Variants in RRP15 observed in about 807,000 individuals in gnomAD.
The protein encoded by RRP15 is ribosomal RNA processing 15 homolog.
Under a neutral mutation model 27.1 loss-of-function variants are expected in RRP15, and 18 were observed. The observed-to-expected ratio is 0.66, with a 90% CI of 0.46 to 0.98. RRP15 has a LOEUF of 0.98. Among genes scored for constraint, RRP15 ranks in the 50% least tolerant of loss-of-function variants. RRP15 has a pLI of 0.00. For synonymous variants in RRP15, 107 were observed against 109.4 expected (o/e 0.98, Z 0.14); for missense variants, 359 against 337.8 (o/e 1.06, Z -0.49).
rs1174169673 is a variant in RRP15 at position 218,336,436 on chromosome 1, G to T, written c.*5345G>T. ...AAGTGAAAACACCAAATTTGTAAGA[G>T]GTCAGGACCAACTGGGGCTCTAAAT... On this transcript the variant is annotated 3_prime_UTR_variant, in exon 5 of 5. Transcript: ENST00000366932. The T allele has an allele frequency of 6.6e-6, 1 of 152,634 alleles. No individual in the cohort carries two copies. Among genetic ancestry groups the T allele is most frequent in the Non-Finnish European group, 1.5e-5 (1 of 68,050 alleles). 9.5% of individuals were successfully genotyped at this position (152,634 alleles called of 1,614,324 possible). A position where few individuals can be genotyped will look rare whatever the true frequency, so the allele number is the denominator to read the frequency against.
In RRP15 at chr1:218,331,258, ATTATATTTTAAACCCTTG is replaced by A; in HGVS notation, c.*169_*186del. On this transcript the variant is annotated 3_prime_UTR_variant, in exon 5 of 5. Transcript: ENST00000366932. ...TACACTTTATATATACTTCATTAAA[ATTATATTTTAAACCCTTG>A]TATAATTTTAAGCATTGTTCCTCAG... 2.1e-6 allele frequency: 1 copy of A among 485,984 alleles called. No individual in the cohort carries two copies. Among genetic ancestry groups the A allele is most frequent in the Non-Finnish European group, 3.5e-6 (1 of 283,150 alleles). 30.1% of individuals were successfully genotyped at this position (485,984 alleles called of 1,614,324 possible). A position where few individuals can be genotyped will look rare whatever the true frequency, so the allele number is the denominator to read the frequency against.
chr1:218,305,484 A>G (rs1438399693), intron 3 of RRP15, among the ~76,000 whole-genome samples: 1 of 152,218 alleles, frequency 6.6e-6, no homozygotes, highest in Non-Finnish European at 1.5e-5. Context: ...ATTACACATT[A>G]TAGCTATTTC....
At position 218,337,983 on chromosome 1, in the gene RRP15, A is replaced by G. The variant is rs1656475085; in HGVS notation, c.*6892A>G. On this transcript the variant is annotated 3_prime_UTR_variant, in exon 5 of 5. Coordinates refer to ENST00000366932, the MANE Select transcript of RRP15 (RefSeq NM_016052.4). Reference sequence around the variant, plus strand: ...AATAAAACTTTATTTTTAAGTGAGAACCTCTGTTTTCTTGATTTTTAAAAA... The same window carrying G: ...AATAAAACTTTATTTTTAAGTGAGAGCCTCTGTTTTCTTGATTTTTAAAAA... The G allele has an allele frequency of 6.6e-6, 1 of 152,026 alleles. No individual in the cohort carries two copies. Among genetic ancestry groups the G allele is most frequent in the Non-Finnish European group, 1.5e-5 (1 of 67,992 alleles). The allele number at this position is 152,026 out of a possible 1,614,324, so 9.4% of individuals were successfully genotyped here.
At chr1:218,323,836 G>A (rs966334850) in intron 4 of RRP15, among the ~76,000 whole-genome samples, 2 of 152,218 alleles carry the variant, frequency 1.3e-5, no homozygotes, top group African/African-American at 4.8e-5. Flanking sequence ...ACAGTGCCCG[G>A]GTTCCGCTCC....
chr1:218,317,895 T>C (rs1027176304), intron 4 of RRP15, among the ~76,000 whole-genome samples: 1 of 151,634 alleles, frequency 6.6e-6, no homozygotes, highest in Non-Finnish European at 1.5e-5. Flanking sequence ...TTAGGCCCGG[T>C]TGATTTAAAA....
intron 4 of RRP15, among the ~76,000 whole-genome samples, chr1:218,312,562 G>A (rs1300291874): frequency 6.6e-6 from 1 of 152,034 alleles, no homozygotes; most frequent in Non-Finnish European, 1.5e-5. Flanking sequence ...TGGAGATTTG[G>A]TTCTATGGAA....
At chr1:218,310,577 G>A (rs1414118737) in intron 4 of RRP15, among the ~76,000 whole-genome samples, 1 of 152,042 alleles carries the variant, frequency 6.6e-6, no homozygotes, top group African/African-American at 2.4e-5. Context: ...TGGTTTTGGT[G>A]TTTGGTTTTG....
At chr1:218,316,900 A>T (rs967818786) in intron 4 of RRP15, among the ~76,000 whole-genome samples, 1 of 152,216 alleles carries the variant, frequency 6.6e-6, no homozygotes, top group African/African-American at 2.4e-5. Context: ...TTTGATTAAA[A>T]TTATGTTTAG....
At chr1:218,328,816 C>CT (rs1195286538) in intron 4 of RRP15, among the ~76,000 whole-genome samples, 13 of 152,080 alleles carry the variant, frequency 8.5e-5, no homozygotes. Context: ...TAGAAACACT[C>CT]TGTGTTGAGT....
intron 4 of RRP15, among the ~76,000 whole-genome samples, chr1:218,320,306 C>T (rs538755456): frequency 1.3e-5 from 2 of 149,874 alleles, no homozygotes; most frequent in South Asian, 2.1e-4. Flanking sequence ...TGAGAACATG[C>T]GGTGTTTAGT....
intron 1 of RRP15, among the ~76,000 whole-genome samples, chr1:218,296,033 T>C (rs1558202396): frequency 6.6e-6 from 1 of 152,216 alleles, no homozygotes; most frequent in Non-Finnish European, 1.5e-5. Context: ...GCAGTAGTTT[T>C]AGAGAGCCTT....
chr1:218,320,992 T>C (rs955941873), intron 4 of RRP15, among the ~76,000 whole-genome samples: 3 of 152,214 alleles, frequency 2.0e-5, no homozygotes, highest in African/African-American at 7.2e-5. Flanking sequence ...CTATATTGTT[T>C]CTTTCTTTAT....
At chr1:218,314,245 A>G (rs920878769) in intron 4 of RRP15, among the ~76,000 whole-genome samples, 1 of 152,172 alleles carries the variant, frequency 6.6e-6, no homozygotes, top group African/African-American at 2.4e-5. Context: ...AGTTTTATAA[A>G]AAAATTAAGC....
Position 218,336,863 on chromosome 1 carries a change from G to C in RRP15, c.*5772G>C, listed in dbSNP as rs774641764. 2.0e-5 allele frequency: 3 copies of C among 152,136 alleles called. No homozygotes were observed. The highest frequency in any genetic ancestry group is 7.2e-5 in the African/African-American group (3 of 41,414). The allele number at this position is 152,136 out of a possible 1,614,324, so 9.4% of individuals were successfully genotyped here. A position where few individuals can be genotyped will look rare whatever the true frequency, so the allele number is the denominator to read the frequency against. On this transcript the variant is annotated 3_prime_UTR_variant, in exon 5 of 5. Coordinates refer to ENST00000366932, the MANE Select transcript of RRP15 (RefSeq NM_016052.4). ...GTAGATTGCATGAGACATGACTGCC[G>C]TATCTTGGTCCTTACTAGGATTCCC...
At chr1:218,317,222 G>C (rs1656102895) in intron 4 of RRP15, among the ~76,000 whole-genome samples, 1 of 152,232 alleles carries the variant, frequency 6.6e-6, no homozygotes, top group Non-Finnish European at 1.5e-5. Context: ...CAGCAAGTAA[G>C]GATAGTGAGT....
At chr1:218,308,841 C>T (rs1234109228) in intron 4 of RRP15, among the ~76,000 whole-genome samples, 1 of 152,122 alleles carries the variant, frequency 6.6e-6, no homozygotes, top group East Asian at 1.9e-4. Flanking sequence ...AGTTCAAAGG[C>T]TTTAATAGGC....
At chr1:218,313,816 C>A (rs1374592529) in intron 4 of RRP15, among the ~76,000 whole-genome samples, 1 of 152,084 alleles carries the variant, frequency 6.6e-6, no homozygotes, top group African/African-American at 2.4e-5. Context: ...AATGTAATAT[C>A]TTCTAGGTTT....
At chr1:218,291,054 G>T (rs1655629959) in intron 1 of RRP15, among the ~76,000 whole-genome samples, 1 of 151,982 alleles carries the variant, frequency 6.6e-6, no homozygotes, top group Non-Finnish European at 1.5e-5. Context: ...TGGGAGGGTT[G>T]CTTGAGCCTG....
At chr1:218,302,266 A>C (rs767020544) in intron 1 of RRP15, 28 bp from the exon 2 acceptor site, 1 of 1,577,214 alleles carries the variant, frequency 6.3e-7, no homozygotes, top group Non-Finnish European at 8.7e-7. Flanking sequence ...ATTAAAGTTT[A>C]ATTTGCCTTT....
Sources: gnomAD v4.1 joint callset for allele counts (sites outside exome capture counted in the v4.1 genomes callset) on GRCh38, gnomAD v4.1.1 for gene constraint, MANE v1.5 for transcripts, NCBI Gene and HGNC (gene_info 2026-07-23, HGNC 2026-07-21) for gene names.